Variants in LRPPRC observed in about 807,000 individuals in gnomAD.
LRPPRC encodes leucine-rich PPR motif-containing protein, mitochondrial.
LRPPRC carries 120 observed loss-of-function variants against 180.3 expected under a neutral mutation model. That is an observed-to-expected ratio of 0.67 (90% CI 0.57 to 0.77). The LOEUF is 0.77. Ranked by LOEUF, LRPPRC falls within the 30% of genes least tolerant of loss-of-function variation. LRPPRC has a pLI of 0.00. For missense variants in LRPPRC, 2,012 were observed against 1,657.2 expected (o/e 1.21, Z -3.72); for synonymous variants, 723 against 600.0 (o/e 1.21, Z -3.00).
chr2:43,983,107 T>G (rs557671856), intron 1 of LRPPRC, among the ~76,000 whole-genome samples: 1 of 152,246 alleles, frequency 6.6e-6, no homozygotes, highest in African/African-American at 2.4e-5. Context: ...AATAAAGTGT[T>G]AAACATCATT....
chr2:43,981,669 A>T (rs942443798), intron 2 of LRPPRC, among the ~76,000 whole-genome samples: 1 of 152,160 alleles, frequency 6.6e-6, no homozygotes. Context: ...CAAAAAAAAA[A>T]AATCTAAAAA....
At chr2:43,950,734 G>A (rs1672865961) in intron 14 of LRPPRC, 134 bp from the exon 15 acceptor site, 1 of 717,742 alleles carries the variant, frequency 1.4e-6, no homozygotes, top group Non-Finnish European at 2.5e-6. Context: ...TGAATTTTCA[G>A]GACAAAGGTA....
At chr2:43,945,967 A>G in intron 21 of LRPPRC, 146 bp downstream of exon 21, 4 of 800,242 alleles carry the variant, frequency 5.0e-6, no homozygotes, top group Admixed American at 4.0e-5. Flanking sequence ...AAAGAGCCGT[A>G]TAATACGAAA....
chr2:43,941,421 T>G (rs1029733404), intron 23 of LRPPRC, among the ~76,000 whole-genome samples: 2 of 152,198 alleles, frequency 1.3e-5, no homozygotes, highest in Non-Finnish European at 2.9e-5. Context: ...AAAATGTTTT[T>G]TATACTTTTA....
rs1672762629 is a variant in LRPPRC, at chr2:43,948,177, A to G, written c.1865T>C (p.Ile622Thr). The change falls in exon 18 of 38, where the codon ATC (isoleucine) becomes ACC (threonine). Residue 622 changes from isoleucine (I) to threonine (T), a missense_variant. Transcript: ENST00000260665. ...EKMNVKIPENIYRGIRNLLES... is the reference protein window; with the variant it reads ...EKMNVKIPENTYRGIRNLLES... The stretch of plus-strand genomic sequence containing the variant: ...CAGGAGATTACGAATGCCTCTGTAG[A>G]TATTTTCAGGAATTTTTACATTCTG... 6.2e-7 allele frequency: 1 copy of G among 1,605,370 alleles called. No individual in the cohort carries two copies. The highest frequency in any genetic ancestry group is 8.5e-7 in the Non-Finnish European group (1 of 1,172,154).
intron 27 of LRPPRC, among the ~76,000 whole-genome samples, chr2:43,918,792 GATATAT>G (rs111297590): frequency 8.9e-5 from 4 of 45,092 alleles, no homozygotes; most frequent in Admixed American, 8.5e-4. Flanking sequence ...TATATATATA[GATATAT>G]ATATATATAT....
At chr2:43,890,403 C>A in intron 36 of LRPPRC, 1 of 466,166 alleles carries the variant, frequency 2.1e-6, no homozygotes, top group Non-Finnish European at 4.4e-6. Flanking sequence ...TAGTTAGCTA[C>A]AATGATACAC....
At position 43,923,701 on chromosome 2, in the gene LRPPRC, A is replaced by G. The variant is rs1341490891; in HGVS notation, c.2896+1366T>C. On this transcript the variant is annotated intron_variant, in intron 27 of 37. Transcript: ENST00000260665. ...GTCTAGCACACAGTAAGGGCTTCAT[A>G]GTTTTTTTTTTTTTTTTCTGAATCC... is the stretch of plus-strand genomic sequence containing the variant. Among the ~76,000 whole-genome samples, 3 of 149,508 alleles carry G rather than the reference A, an allele frequency of 2.0e-5. No homozygotes were observed. The East Asian group carries it at 5.8e-4, about 29-fold the overall frequency.
chr2:43,894,786 A>G (rs1314601605), intron 35 of LRPPRC, among the ~76,000 whole-genome samples, 157 bp from the exon 36 acceptor site: 4 of 152,230 alleles, frequency 2.6e-5, no homozygotes, highest in Admixed American at 6.5e-5. Flanking sequence ...TTAGCATTTG[A>G]TATTGACTCA....
chr2:43,947,642 G>C lies in LRPPRC; in HGVS notation c.1965+89C>G, dbSNP rs74394726. ...GGTATACAAGATGATAAAAATGTGA[G>C]GAATCACTGGTTTTATAAGTACACA... On this transcript the variant is annotated intron_variant, in intron 19 of 37. Coordinates refer to ENST00000260665, the MANE Select transcript of LRPPRC (RefSeq NM_133259.4). The C allele has an allele frequency of 7.9e-4, 665 of 839,800 alleles. 4 individuals are homozygous for C. In the African/African-American group the frequency reaches 9.7e-3, roughly 12 times the overall value. The allele number at this position is 839,800 out of a possible 1,614,324, so 52.0% of individuals were successfully genotyped here. A position where few individuals can be genotyped will look rare whatever the true frequency, so the allele number is the denominator to read the frequency against.
rs546197502 is a variant in LRPPRC at position 43,907,284 on chromosome 2, A to G, written c.3276-1504T>C. Among the ~76,000 whole-genome samples the G allele has an allele frequency of 5.9e-5, 9 of 151,878 alleles. No homozygotes were observed. The East Asian group carries it at 1.7e-3, about 29-fold the overall frequency. On this transcript the variant is annotated intron_variant, in intron 30 of 37. Transcript: ENST00000260665. Reference sequence around the variant, plus strand: ...GAAGAAGAAACCCCAGATCTATTCTATAATAATATATCCTACATATGTAGA... The same window carrying G: ...GAAGAAGAAACCCCAGATCTATTCTGTAATAATATATCCTACATATGTAGA...
At chr2:43,965,145 G>A (rs1360131332) in intron 11 of LRPPRC, among the ~76,000 whole-genome samples, 1 of 152,158 alleles carries the variant, frequency 6.6e-6, no homozygotes, top group African/African-American at 2.4e-5. Flanking sequence ...GGGATTAAAG[G>A]CGCACGTCAC....
chr2:43,893,973 A>G (rs1374126253), intron 36 of LRPPRC, among the ~76,000 whole-genome samples: 1 of 152,314 alleles, frequency 6.6e-6, no homozygotes, highest in Non-Finnish European at 1.5e-5. Flanking sequence ...ATTTATTTTG[A>G]TGACTGAGGA....
At chr2:43,911,673 C>T (rs889871231) in intron 30 of LRPPRC, among the ~76,000 whole-genome samples, 1 of 151,798 alleles carries the variant, frequency 6.6e-6, no homozygotes, top group Non-Finnish European at 1.5e-5. Flanking sequence ...ATTACAGGCA[C>T]ATGCCACCAC....
At chr2:43,947,198 CTTA>C (rs1672716536) in intron 20 of LRPPRC, 56 bp downstream of exon 20, 11 of 766,138 alleles carry the variant, frequency 1.4e-5, no homozygotes, top group Admixed American at 1.1e-4. Flanking sequence ...TTTGGTTTTT[CTTA>C]TTGTTACCAA....
chr2:43,919,037 G>A (rs1426196522), intron 27 of LRPPRC, among the ~76,000 whole-genome samples: 3 of 152,106 alleles, frequency 2.0e-5, no homozygotes, highest in South Asian at 2.1e-4. Context: ...GGGCTGCACA[G>A]CAGAATGTGT....
At chr2:43,908,048 G>T (rs192620391) in intron 30 of LRPPRC, among the ~76,000 whole-genome samples, 173 of 152,124 alleles carry the variant, frequency 1.1e-3, no homozygotes, top group Admixed American at 3.7e-3. Flanking sequence ...TATTATTTAG[G>T]ATAACAAAAA....
chr2:43,976,756 T>C (rs2103723965), intron 5 of LRPPRC, among the ~76,000 whole-genome samples: 1 of 151,860 alleles, frequency 6.6e-6, no homozygotes, highest in African/African-American at 2.4e-5. Flanking sequence ...CTCAACAACT[T>C]TATACCTCTC....
intron 20 of LRPPRC, 52 bp from the exon 21 acceptor site, chr2:43,946,295 T>C (rs1399785817): frequency 4.9e-6 from 7 of 1,433,800 alleles, no homozygotes; most frequent in East Asian, 2.3e-5. Flanking sequence ...AAGGTAAAAA[T>C]GTCACATTTT....
Sources: gnomAD v4.1 joint callset for allele counts (sites outside exome capture counted in the v4.1 genomes callset) on GRCh38, gnomAD v4.1.1 for gene constraint, MANE v1.5 for transcripts, NCBI Gene and HGNC (gene_info 2026-07-23, HGNC 2026-07-21) for gene names.